Variants in RASA3 observed in about 807,000 individuals in gnomAD.
RASA3 encodes the protein RAS p21 protein activator 3.
A neutral mutation model predicts 110.0 loss-of-function variants in RASA3; 73 were observed. That is an observed-to-expected ratio of 0.66 (90% CI 0.55 to 0.81). The LOEUF is 0.81. RASA3 is among the 30% of genes least tolerant of loss of function. The pLI, the probability that RASA3 is intolerant of heterozygous loss-of-function variation, is 0.00. For synonymous variants in RASA3, 500 were observed against 451.4 expected, an observed-to-expected ratio of 1.11 and a Z score of -1.37; for missense variants, 976 against 1,113.2, an observed-to-expected ratio of 0.88 and a Z score of 1.75.
intron 2 of RASA3, among the ~76,000 whole-genome samples, chr13:114,061,846 A>G (rs2079356956): frequency 6.6e-6 from 1 of 152,162 alleles, no homozygotes; most frequent in South Asian, 2.1e-4. Context: ...AGTGGGATTC[A>G]GCCGTCACCT....
intron 1 of RASA3, among the ~76,000 whole-genome samples, chr13:114,098,213 C>T (rs9590377): frequency 0.012 from 1,810 of 152,194 alleles, 23 homozygotes; most frequent in African/African-American, 0.042. Context: ...AGCTCATCAG[C>T]GACGAGCCAG....
intron 11 of RASA3, among the ~76,000 whole-genome samples, chr13:114,017,637 C>A (rs1032428688): frequency 6.6e-6 from 1 of 152,236 alleles, no homozygotes; most frequent in African/African-American, 2.4e-5. Context: ...CTCCCCTCTG[C>A]GGCCTCTGCC....
At chr13:114,028,521 C>T (rs2054079026) in intron 5 of RASA3, among the ~76,000 whole-genome samples, 1 of 150,218 alleles carries the variant, frequency 6.7e-6, no homozygotes, top group African/African-American at 2.5e-5. Context: ...ACAGCGTCAT[C>T]CTGGGGGCCC....
intron 18 of RASA3, among the ~76,000 whole-genome samples, chr13:114,003,954 A>G (rs2053458869): frequency 6.6e-6 from 1 of 152,252 alleles, no homozygotes; most frequent in African/African-American, 2.4e-5. Flanking sequence ...TTTCTGCAGA[A>G]AGTAAAAATT....
chr13:114,076,555 C>T (rs929874731), intron 1 of RASA3, among the ~76,000 whole-genome samples: 3 of 151,690 alleles, frequency 2.0e-5, no homozygotes, highest in African/African-American at 4.8e-5. Context: ...CGCACACACA[C>T]GCAGCACACG....
intron 21 of RASA3, among the ~76,000 whole-genome samples, chr13:113,994,100 A>G (rs2053181964): frequency 6.6e-6 from 1 of 152,224 alleles, no homozygotes; most frequent in Non-Finnish European, 1.5e-5. Flanking sequence ...AAACGTCTGT[A>G]ATTTTTTCCA....
chr13:114,059,413 G>C (rs2139601142), intron 2 of RASA3, among the ~76,000 whole-genome samples: 1 of 152,354 alleles, frequency 6.6e-6, no homozygotes, highest in South Asian at 2.1e-4. Flanking sequence ...GCCAATGCGA[G>C]GAGGCGCAGG....
chr13:114,040,967 C>G, intron 4 of RASA3, 33 bp downstream of exon 4: 1 of 1,606,200 alleles, frequency 6.2e-7, no homozygotes, highest in Middle Eastern at 1.9e-4. Flanking sequence ...TGTCCCAGGG[C>G]TCTGGTTTCC....
intron 1 of RASA3, among the ~76,000 whole-genome samples, chr13:114,088,224 T>C (rs753935749): frequency 2.0e-5 from 3 of 152,200 alleles, no homozygotes; most frequent in Non-Finnish European, 4.4e-5. Flanking sequence ...AATTAAGGAA[T>C]AATATTTTGG....
At chr13:114,042,118 T>C (rs1008381853) in intron 3 of RASA3, among the ~76,000 whole-genome samples, 2 of 152,270 alleles carry the variant, frequency 1.3e-5, no homozygotes, top group African/African-American at 4.8e-5. Context: ...GCAACCATTA[T>C]TATCTGCTTA....
intron 1 of RASA3, among the ~76,000 whole-genome samples, chr13:114,110,336 G>A (rs2080199638): frequency 6.6e-6 from 1 of 152,200 alleles, no homozygotes; most frequent in African/African-American, 2.4e-5. Flanking sequence ...CTGCAAGGTA[G>A]ATTTTAAGTA....
intron 1 of RASA3, among the ~76,000 whole-genome samples, chr13:114,075,636 C>G (rs796749124): frequency 2.6e-3 from 101 of 38,718 alleles, no homozygotes; most frequent in African/African-American, 6.3e-3. Context: ...CGTATCTCTG[C>G]GTGTGGAGGC....
intron 4 of RASA3, among the ~76,000 whole-genome samples, chr13:114,038,418 T>C (rs1028687152): frequency 2.0e-5 from 3 of 152,260 alleles, no homozygotes; most frequent in African/African-American, 4.8e-5. Flanking sequence ...CGTCCTTCAC[T>C]TTCCACAGCA....
chr13:114,007,534 C>T lies in RASA3; in HGVS notation c.1741G>A (p.Gly581Arg), dbSNP rs921398234. 1.2e-6 allele frequency: 2 copies of T among 1,612,196 alleles called. No individual in the cohort carries two copies. The highest frequency in any genetic ancestry group is 1.3e-5 in the African/African-American group (1 of 74,956). ...CAGACGCCACCTTACCCTCCTTACCCTTCTTTAAGCACGATGGGCTGCTCA... is the reference window on the plus strand; with the variant it reads ...CAGACGCCACCTTACCCTCCTTACCTTTCTTTAAGCACGATGGGCTGCTCA... ...SVEQPIVLKE[G>R]FMIKRAQGRK... The change falls in exon 18 of 24, where the codon GGG becomes AGG. Residue 581 changes from glycine (G) to arginine (R), a missense_variant and splice_region_variant. Physicochemically the swap from Gly to Arg is moderately radical, Grantham distance 125 (BLOSUM62 -2). Around this residue, in one of 4 missense-constraint regions of RASA3, gnomAD observed 732 missense variants for 779.7 expected, o/e 0.94. Coordinates refer to ENST00000334062, the MANE Select transcript of RASA3 (RefSeq NM_007368.4).
intron 1 of RASA3, among the ~76,000 whole-genome samples, chr13:114,079,638 G>A (rs562787486): frequency 1.3e-4 from 20 of 152,188 alleles, no homozygotes; most frequent in Non-Finnish European, 1.2e-4. Flanking sequence ...ATCCTCACTC[G>A]AACAGGTCCT....
At chr13:114,105,911 C>T (rs893154276) in intron 1 of RASA3, among the ~76,000 whole-genome samples, 12 of 152,142 alleles carry the variant, frequency 7.9e-5, no homozygotes. Flanking sequence ...GGAAAGGAAG[C>T]GGGCATTCCA....
At chr13:114,087,790 A>C (rs1053248469) in intron 1 of RASA3, among the ~76,000 whole-genome samples, 2 of 152,222 alleles carry the variant, frequency 1.3e-5, no homozygotes, top group African/African-American at 4.8e-5. Flanking sequence ...AGGCAGCAAC[A>C]CACACAGCCT....
intron 1 of RASA3, among the ~76,000 whole-genome samples, chr13:114,089,485 T>G (rs576397906): frequency 6.6e-6 from 1 of 151,894 alleles, no homozygotes; most frequent in Admixed American, 6.5e-5. Context: ...CAGAAGGTGC[T>G]GTCTGATCCA....
At chr13:114,109,079 G>T (rs754838445) in intron 1 of RASA3, among the ~76,000 whole-genome samples, 2 of 152,198 alleles carry the variant, frequency 1.3e-5, no homozygotes, top group Admixed American at 1.3e-4. Context: ...TACTCAGAGG[G>T]AGTGTTTCTC....
Sources: allele counts gnomAD v4.1 joint callset (sites outside exome capture counted in the v4.1 genomes callset), GRCh38; gene constraint gnomAD v4.1.1; regional missense constraint gnomAD v4.1.1; transcripts MANE v1.5; gene names NCBI Gene and HGNC (gene_info 2026-07-23, HGNC 2026-07-21).